ARHGAP23: variants seen among roughly 807,000 people sequenced by gnomAD.
ARHGAP23 encodes the protein Rho GTPase activating protein 23, also known as rho GTPase-activating protein 23.
Under a neutral mutation model 136.3 loss-of-function variants are expected in ARHGAP23, and 34 were observed. The ratio of observed to expected loss-of-function variants is 0.25; its 90% CI spans 0.19 to 0.33. ARHGAP23 has a LOEUF of 0.33. Ranked by LOEUF, ARHGAP23 falls within the 10% of genes least tolerant of loss-of-function variation. The pLI is 1.00. For synonymous variants in ARHGAP23, 832 were observed against 920.5 expected, an observed-to-expected ratio of 0.90 and a Z score of 1.74; for missense variants, 1,808 against 2,139.0, an observed-to-expected ratio of 0.85 and a Z score of 3.05.
intron 18 of ARHGAP23, 37 bp downstream of exon 18, chr17:38,490,212 G>T: frequency 1.3e-6 from 2 of 1,536,116 alleles, no homozygotes; most frequent in Middle Eastern, 1.9e-4. Flanking sequence ...ACGAGGTGGG[G>T]CAGCTGCCTG....
At position 38,467,334 on chromosome 17, in the gene ARHGAP23, G is replaced by A; in HGVS notation, c.1648+3G>A. 1 of 1,470,798 alleles carries A rather than the reference G, an allele frequency of 6.8e-7. No individual in the cohort carries two copies. The highest frequency in any genetic ancestry group is 9.0e-7 in the Non-Finnish European group (1 of 1,109,498). 91.1% of individuals were successfully genotyped at this position (1,470,798 alleles called of 1,614,324 possible). ...TCTGGCTTCCATCCCCTTTATTGGT[G>A]AGTGATGGTACATGTGGCTGTCCTG... On this transcript the variant is annotated splice_donor_region_variant and intron_variant, in intron 7 of 23. Coordinates refer to ENST00000622683, the MANE Select transcript of ARHGAP23 (RefSeq NM_001199417.2).
At chr17:38,493,462 G>A (rs1018327406) in intron 20 of ARHGAP23, among the ~76,000 whole-genome samples, 3 of 152,068 alleles carry the variant, frequency 2.0e-5, no homozygotes, top group African/African-American at 7.3e-5. Context: ...AAAGTGCTGG[G>A]ATTACAGGTG....
intron 23 of ARHGAP23, among the ~76,000 whole-genome samples, chr17:38,503,070 A>G (rs1405119303): frequency 1.3e-5 from 2 of 152,186 alleles, no homozygotes; most frequent in African/African-American, 4.8e-5. Context: ...ACAAACAAAC[A>G]AAAAAAGACG....
rs779740413 is a variant in ARHGAP23 at position 38,467,198 on chromosome 17, C to A, written c.1515C>A (p.Pro505=). The A allele has an allele frequency of 6.4e-7, 1 of 1,550,724 alleles. No homozygotes were observed. Among genetic ancestry groups the A allele is most frequent in the East Asian group, 2.4e-5 (1 of 40,918 alleles). ...CGGGCCGCAAGGTTCAGCTGACCCC[C>A]GCAAGACAGATGAACCTTGGATTTG... ...PPTGRKVQLT[P]ARQMNLGFGD... Residue 505 remains proline (P), a synonymous_variant, in exon 7 of 24, where the codon CCC becomes CCA. Transcript: ENST00000622683.
rs949656082 is a variant in ARHGAP23, at chr17:38,466,374, C to T, written c.691C>T (p.Arg231Cys). 23 of 1,536,948 alleles carry T rather than the reference C, an allele frequency of 1.5e-5. No homozygotes were observed. The Middle Eastern group carries it at 5.0e-4, about 33-fold the overall frequency. ...TGCTGCCTGGAGTGACCCGGGGCTC[C>T]GTGTGCCACCTGCTGCCCGTGCCCA... ...SPAAWSDPGL[R>C]VPPAARAHLD... Residue 231 changes from arginine to cysteine, a missense_variant, in exon 7 of 24, where the codon CGT becomes TGT. By Grantham distance (180) the Arg-to-Cys change is radical (BLOSUM62 -3). Transcript: ENST00000622683.
intron 23 of ARHGAP23, among the ~76,000 whole-genome samples, chr17:38,507,369 A>G (rs1000508658): frequency 3.3e-5 from 5 of 152,008 alleles, no homozygotes; most frequent in Admixed American, 2.0e-4. Flanking sequence ...GCACCTGGAC[A>G]CCTCTGGTGA....
At chr17:38,428,331 G>T (rs1453382113), upstream of ARHGAP23, 6 of 281,664 alleles carry the variant, frequency 2.1e-5, no homozygotes, top group East Asian at 1.4e-4. Flanking sequence ...AGAAGGGAGC[G>T]CGGGGTGGGT....
rs35594964 is a variant in ARHGAP23, at chr17:38,449,798, C to G, written c.64-8304C>G. On this transcript the variant is annotated intron_variant, in intron 1 of 23. Transcript: ENST00000622683. ...CTTGGGGTGGGGGCATTGTTTGTCA[C>G]CTGGCAGTTTGGGGCCCACATTCTG... is the stretch of plus-strand genomic sequence containing the variant. Among the ~76,000 whole-genome samples, 7 of 152,242 alleles carry G rather than the reference C, an allele frequency of 4.6e-5. No homozygotes were observed. The East Asian group carries it at 1.2e-3, about 25-fold the overall frequency.
chr17:38,507,769 A>G (rs1282179682), intron 23 of ARHGAP23, among the ~76,000 whole-genome samples: 1 of 152,334 alleles, frequency 6.6e-6, no homozygotes, highest in East Asian at 1.9e-4. Flanking sequence ...GTGGGCAACC[A>G]TGGCCCAGGA....
chr17:38,491,132 G>T (rs1457669441), intron 19 of ARHGAP23, among the ~76,000 whole-genome samples: 1 of 152,156 alleles, frequency 6.6e-6, no homozygotes, highest in African/African-American at 2.4e-5. Context: ...GTTTCCTACT[G>T]CAGGGTCTCC....
At chr17:38,491,678 C>A (rs544995417) in intron 20 of ARHGAP23, 146 bp downstream of exon 20, 9 of 998,452 alleles carry the variant, frequency 9.0e-6, no homozygotes, top group East Asian at 2.6e-5. Flanking sequence ...GGTATATACT[C>A]CTCCAAAGCC....
chr17:38,510,731 G>T lies in ARHGAP23; in HGVS notation c.4235G>T (p.Ser1412Ile). 1 of 1,478,360 alleles carries T rather than the reference G, an allele frequency of 6.8e-7. No homozygotes were observed. 91.6% of individuals were successfully genotyped at this position (1,478,360 alleles called of 1,614,324 possible). A position where few individuals can be genotyped will look rare whatever the true frequency, so the allele number is the denominator to read the frequency against. Residue 1412 changes from serine (S) to isoleucine (I), a missense_variant, in exon 24 of 24, where the codon AGC becomes ATC. Transcript: ENST00000622683. The surrounding 1 kb of genome is among the most constrained non-coding windows in gnomAD (Gnocchi z 4.6). Reference sequence around the variant, plus strand: ...CGCCGCCACACCGTGGTGGTGCAGAGCCCGCTGACTGACCTCAACTTCAAC... The same window carrying T: ...CGCCGCCACACCGTGGTGGTGCAGATCCCGCTGACTGACCTCAACTTCAAC... Reference protein sequence around the residue: ...SWRRHTVVVQSPLTDLNFNEW... With the variant: ...SWRRHTVVVQIPLTDLNFNEW...
rs887214066 is a variant in ARHGAP23 at position 38,466,731 on chromosome 17, C to G, written c.1048C>G (p.Arg350Gly). The change falls in exon 7 of 24, where the codon CGC becomes GGC. Residue 350 changes from arginine (R) to glycine (G), a missense_variant. Arg to Gly is a moderately radical substitution (Grantham distance 125). This residue lies in a region of ARHGAP23 where 859 missense variants were observed against 936.4 expected (regional missense o/e 0.92). Transcript: ENST00000622683. ...QLGQEGWHRA[R>G]SDDYLSRATR... is the part of the protein sequence containing the mutation. ...GGGCCAGGAGGGCTGGCACCGAGCTCGCTCAGATGACTACTTGAGCCGGGC... is the reference window on the plus strand; with the variant it reads ...GGGCCAGGAGGGCTGGCACCGAGCTGGCTCAGATGACTACTTGAGCCGGGC... 6.5e-7 allele frequency: 1 copy of G among 1,544,460 alleles called. No individual in the cohort carries two copies.
intron 10 of ARHGAP23, among the ~76,000 whole-genome samples, chr17:38,470,892 A>C (rs1186607706): frequency 6.6e-6 from 1 of 152,072 alleles, no homozygotes; most frequent in East Asian, 1.9e-4. Flanking sequence ...GGCATAAGCC[A>C]TCGCACCTGG....
intron 17 of ARHGAP23, among the ~76,000 whole-genome samples, chr17:38,486,646 C>T (rs561106301): frequency 1.3e-5 from 2 of 151,590 alleles, no homozygotes; most frequent in African/African-American, 2.4e-5. Flanking sequence ...CTCCCTTTCA[C>T]GGGAGGTTGT....
At chr17:38,447,806 G>A (rs2036655659) in intron 1 of ARHGAP23, among the ~76,000 whole-genome samples, 1 of 152,246 alleles carries the variant, frequency 6.6e-6, no homozygotes, top group Admixed American at 6.5e-5. Context: ...GGGGTACGGA[G>A]GGGTTGTGGT....
intron 20 of ARHGAP23, 99 bp downstream of exon 20, chr17:38,491,631 G>A: frequency 1.3e-6 from 2 of 1,487,098 alleles, no homozygotes; most frequent in Non-Finnish European, 1.8e-6. Flanking sequence ...GTGTGCCCCA[G>A]GAAGGGCTCG....
At chr17:38,452,935 G>A (rs1339476887) in intron 1 of ARHGAP23, among the ~76,000 whole-genome samples, 1 of 152,226 alleles carries the variant, frequency 6.6e-6, no homozygotes, top group East Asian at 1.9e-4. Context: ...CTGGGAAGGA[G>A]GGTGGTTCCC....
chr17:38,508,820 C>T (rs2040690065), intron 23 of ARHGAP23, among the ~76,000 whole-genome samples: 1 of 151,900 alleles, frequency 6.6e-6, no homozygotes, highest in Non-Finnish European at 1.5e-5. Flanking sequence ...GCTGTGGTTC[C>T]GGATAGGTGA....
Sources: gnomAD v4.1 joint callset for allele counts (sites outside exome capture counted in the v4.1 genomes callset) on GRCh38, gnomAD v4.1.1 for gene constraint, gnomAD v4.1.1 regional missense constraint, Gnocchi (gnomAD v3.1) non-coding constraint, MANE v1.5 for transcripts, NCBI Gene and HGNC (gene_info 2026-07-23, HGNC 2026-07-21) for gene names.